MYO5B: variants seen among roughly 807,000 people sequenced by gnomAD.
MYO5B encodes the protein unconventional myosin-Vb.
A neutral mutation model predicts 229.3 loss-of-function variants in MYO5B; 143 were observed. The observed-to-expected ratio is 0.62, with a 90% CI of 0.54 to 0.72. The LOEUF is 0.72. Ranked by LOEUF, MYO5B falls within the 30% of genes least tolerant of loss-of-function variation. The probability of loss-of-function intolerance (pLI) is 0.00; values close to 1 mark genes in which losing one functional copy is unlikely to be tolerated. For missense variants in MYO5B, 2,321 were observed against 2,331.0 expected (o/e 1.00, Z 0.09); for synonymous variants, 918 against 885.2 (o/e 1.04, Z -0.66).
intron 27 of MYO5B, among the ~76,000 whole-genome samples, chr18:49,867,427 G>T (rs2024409479): frequency 6.6e-6 from 1 of 152,096 alleles, no homozygotes; most frequent in African/African-American, 2.4e-5. Flanking sequence ...ATGTTGGTGA[G>T]GACTGAAGTC....
At chr18:50,128,543 G>A (rs1026255661) in intron 1 of MYO5B, among the ~76,000 whole-genome samples, 1 of 152,206 alleles carries the variant, frequency 6.6e-6, no homozygotes, top group African/African-American at 2.4e-5. Context: ...GACATGTGGG[G>A]TGCGATAGCA....
At chr18:50,044,808 A>C (rs894443646) in intron 2 of MYO5B, among the ~76,000 whole-genome samples, 1 of 152,140 alleles carries the variant, frequency 6.6e-6, no homozygotes, top group Non-Finnish European at 1.5e-5. Flanking sequence ...CGGCAGGGAA[A>C]AATATAAGAT....
intron 24 of MYO5B, among the ~76,000 whole-genome samples, 197 bp downstream of exon 24, chr18:49,878,748 G>T (rs2024553961): frequency 6.6e-6 from 1 of 152,196 alleles, no homozygotes; most frequent in African/African-American, 2.4e-5. Flanking sequence ...TGACCCCAAA[G>T]TTGGAAAAGG....
intron 22 of MYO5B, among the ~76,000 whole-genome samples, chr18:49,884,862 C>T (rs1032561366): frequency 2.0e-5 from 3 of 152,100 alleles, no homozygotes; most frequent in Non-Finnish European, 2.9e-5. Flanking sequence ...AGAAGATATA[C>T]AAATGGCCGA....
rs546358681 is a variant in MYO5B, at chr18:49,900,864, C to T, written c.2811+1730G>A. Among the ~76,000 whole-genome samples, 395 of 152,156 alleles carry T rather than the reference C, an allele frequency of 2.6e-3. 4 individuals are homozygous for T. The highest frequency in any genetic ancestry group is 8.0e-3 in the African/African-American group (330 of 41,498). The stretch of plus-strand genomic sequence containing the variant: ...AGCCAAACGCAGCAGTAGGCATGCA[C>T]GGGAAAGGACTGAAACCCTTCAGTA... On this transcript the variant is annotated intron_variant, in intron 21 of 39. Coordinates refer to ENST00000285039, the MANE Select transcript of MYO5B (RefSeq NM_001080467.3).
chr18:49,976,468 G>A (rs2025751422), intron 9 of MYO5B, among the ~76,000 whole-genome samples: 1 of 152,216 alleles, frequency 6.6e-6, no homozygotes, highest in African/African-American at 2.4e-5. Context: ...TTAACAGAAG[G>A]AGAGGATAGG....
At chr18:49,875,849 G>A in intron 25 of MYO5B, 22 bp from the exon 26 acceptor site, 1 of 1,613,748 alleles carries the variant, frequency 6.2e-7, no homozygotes, top group Non-Finnish European at 8.5e-7. Context: ...GACAGGCACA[G>A]AAAAAAGGTT....
chr18:50,137,221 C>G (rs1474462064), intron 1 of MYO5B, among the ~76,000 whole-genome samples: 2 of 152,208 alleles, frequency 1.3e-5, no homozygotes, highest in Admixed American at 6.5e-5. Context: ...TCCAGGTTCC[C>G]CTGAAGGATT....
chr18:49,940,624 C>T (rs1345015524), intron 14 of MYO5B, among the ~76,000 whole-genome samples: 1 of 152,028 alleles, frequency 6.6e-6, no homozygotes, highest in South Asian at 2.1e-4. Flanking sequence ...CTCAGTGAAC[C>T]CCCCTCAGTC....
chr18:50,115,642 T>G (rs2031948903), intron 1 of MYO5B, among the ~76,000 whole-genome samples: 1 of 151,792 alleles, frequency 6.6e-6, no homozygotes, highest in Non-Finnish European at 1.5e-5. Context: ...AATCCCCTTA[T>G]GGTGGGAGTC....
At chr18:50,005,911 A>G (rs1434587370) in intron 4 of MYO5B, among the ~76,000 whole-genome samples, 1 of 152,130 alleles carries the variant, frequency 6.6e-6, no homozygotes, top group African/African-American at 2.4e-5. Context: ...CAGGCATCCT[A>G]GAAGGCAATT....
intron 16 of MYO5B, among the ~76,000 whole-genome samples, chr18:49,930,416 T>A (rs796522748): frequency 6.6e-5 from 10 of 152,348 alleles, no homozygotes; most frequent in African/African-American, 2.4e-4. Context: ...CAAAACCCAG[T>A]ATGTTTTTAA....
chr18:49,963,083 C>A (rs2025579477), intron 10 of MYO5B, 53 bp from the exon 11 acceptor site: 1 of 1,468,848 alleles, frequency 6.8e-7, no homozygotes, highest in African/African-American at 1.4e-5. Flanking sequence ...AAAGGAATCA[C>A]TGGGACTTCA....
Position 49,837,614 on chromosome 18 carries a change from C to T in MYO5B, c.5041G>A (p.Val1681Ile). 6.2e-6 allele frequency: 10 copies of T among 1,613,960 alleles called. No homozygotes were observed. Among genetic ancestry groups the T allele is most frequent in the Non-Finnish European group, 8.5e-6 (10 of 1,179,856 alleles). Residue 1681 changes from valine (V) to isoleucine (I), a missense_variant, in exon 37 of 40, where the codon GTA becomes ATA. Around this residue, in one of 2 missense-constraint regions of MYO5B, gnomAD observed 208 missense variants for 286.3 expected, o/e 0.73. Coordinates refer to ENST00000285039, the MANE Select transcript of MYO5B (RefSeq NM_001080467.3). ...QGLDPEIILQ[V>I]FKQLFYMINA... is the part of the protein sequence containing the mutation. Reference sequence around the variant, plus strand: ...ATCATGTAGAAGAGCTGTTTGAATACCTGCAGGATGATCTCAGGGTCCAAG... The same window carrying T: ...ATCATGTAGAAGAGCTGTTTGAATATCTGCAGGATGATCTCAGGGTCCAAG...
chr18:49,921,585 A>G (rs1466341370), intron 17 of MYO5B, among the ~76,000 whole-genome samples: 1 of 152,190 alleles, frequency 6.6e-6, no homozygotes, highest in Non-Finnish European at 1.5e-5. Flanking sequence ...ATTCTCAGGG[A>G]GGATAAAAAT....
intron 1 of MYO5B, among the ~76,000 whole-genome samples, chr18:50,118,008 T>C (rs7237077): frequency 0.073 from 11,127 of 152,200 alleles, 488 homozygotes; most frequent in East Asian, 0.22. Context: ...GGATAATAAA[T>C]TCAAGTGGAT....
intron 22 of MYO5B, among the ~76,000 whole-genome samples, chr18:49,884,065 C>T (rs1219213285): frequency 3.9e-5 from 1 of 25,460 alleles, no homozygotes. Context: ...AAGCCAAATA[C>T]AATGCCAAAA....
Position 49,864,289 on chromosome 18 carries a change from G to T in MYO5B, c.3695C>A (p.Ser1232Tyr). 6.2e-7 allele frequency: 1 copy of T among 1,614,208 alleles called. No individual in the cohort carries two copies. ...GTAGCTATCTGGGGAGCCGTGGCTG[G>T]AGTTATTCTGCGTGGCTTGGTCGGC... ...AVADQATQNN[S>Y]SHGSPDSYSL... The change falls in exon 28 of 40, where the codon TCC becomes TAC. Residue 1232 changes from serine to tyrosine, a missense_variant. Physicochemically the swap from Ser to Tyr is moderately radical, Grantham distance 144. Around this residue, in one of 2 missense-constraint regions of MYO5B, gnomAD observed 2,113 missense variants for 2,044.7 expected, o/e 1.03. Transcript: ENST00000285039.
chr18:49,950,997 T>C (rs2025425299), intron 14 of MYO5B, among the ~76,000 whole-genome samples: 1 of 152,184 alleles, frequency 6.6e-6, no homozygotes, highest in Non-Finnish European at 1.5e-5. Flanking sequence ...TTCTGGGAGT[T>C]TGGAATTTTG....
Sources: gnomAD v4.1 joint callset for allele counts (sites outside exome capture counted in the v4.1 genomes callset) on GRCh38, gnomAD v4.1.1 for gene constraint, gnomAD v4.1.1 regional missense constraint, MANE v1.5 for transcripts, NCBI Gene and HGNC (gene_info 2026-07-23, HGNC 2026-07-21) for gene names.